NT5C2: variants seen among roughly 807,000 people sequenced by gnomAD.
NT5C2 encodes the protein cytosolic purine 5'-nucleotidase.
Under a neutral mutation model 76.1 loss-of-function variants are expected in NT5C2, and 58 were observed. The observed-to-expected ratio is 0.76, with a 90% CI of 0.62 to 0.95. The LOEUF is 0.95. Ranked by LOEUF, NT5C2 falls within the 40% of genes least tolerant of loss-of-function variation. The pLI is 0.00. For synonymous variants in NT5C2, 229 were observed against 237.4 expected (o/e 0.96, Z 0.32); for missense variants, 478 against 690.3 (o/e 0.69, Z 3.45).
chr10:103,127,915 A>C (rs1380006769), intron 4 of NT5C2, among the ~76,000 whole-genome samples: 1 of 151,908 alleles, frequency 6.6e-6, no homozygotes, highest in Non-Finnish European at 1.5e-5. Flanking sequence ...GCTGGTCTGG[A>C]ACTCCTGACC....
intron 2 of NT5C2, among the ~76,000 whole-genome samples, chr10:103,178,947 T>TTTTTTTA: frequency 7.2e-6 from 1 of 139,218 alleles, no homozygotes; most frequent in African/African-American, 2.7e-5. Context: ...TTCTTTTTTC[T>TTTTTTTA]TTTTTTCTTT....
At chr10:103,118,461 A>G (rs927666032) in intron 4 of NT5C2, among the ~76,000 whole-genome samples, 1 of 151,670 alleles carries the variant, frequency 6.6e-6, no homozygotes, top group Non-Finnish European at 1.5e-5. Context: ...GGATCAAGCA[A>G]TTCTCCCACC....
At chr10:103,185,745 A>G (rs1314415863) in intron 1 of NT5C2, among the ~76,000 whole-genome samples, 1 of 151,660 alleles carries the variant, frequency 6.6e-6, no homozygotes, top group East Asian at 1.9e-4. Context: ...CCTGCTCACC[A>G]TTCAACTTTG....
intron 3 of NT5C2, chr10:103,169,440 G>A (rs556465192): frequency 6.6e-6 from 1 of 152,162 alleles, no homozygotes; most frequent in East Asian, 1.9e-4. Flanking sequence ...AACACAGCAA[G>A]ACTTTGTCTC....
intron 1 of NT5C2, among the ~76,000 whole-genome samples, chr10:103,184,152 G>T (rs374196857): frequency 6.6e-6 from 1 of 151,448 alleles, no homozygotes; most frequent in African/African-American, 2.4e-5. Context: ...GGGTTTCACC[G>T]TGTTGGTTAG....
chr10:103,101,908 C>T (rs569727683), intron 6 of NT5C2, among the ~76,000 whole-genome samples: 7 of 151,874 alleles, frequency 4.6e-5, no homozygotes, highest in Non-Finnish European at 1.0e-4. Flanking sequence ...TGAAACTAGT[C>T]CAACTTGGGT....
At chr10:103,096,027 A>C in intron 11 of NT5C2, 47 bp from the exon 12 acceptor site, 1 of 1,391,920 alleles carries the variant, frequency 7.2e-7, no homozygotes, top group Non-Finnish European at 1.0e-6. Flanking sequence ...CTTTTGCAAA[A>C]GGTATATAAC....
intron 11 of NT5C2, 31 bp from the exon 12 acceptor site, chr10:103,096,011 A>G: frequency 1.3e-6 from 2 of 1,572,664 alleles, no homozygotes; most frequent in Non-Finnish European, 1.7e-6. Context: ...TAAGGTCCAT[A>G]TACTACTTTT....
At chr10:103,129,541 C>T (rs1277067979) in intron 4 of NT5C2, among the ~76,000 whole-genome samples, 7 of 111,748 alleles carry the variant, frequency 6.3e-5, no homozygotes, top group African/African-American at 9.7e-5. Flanking sequence ...GTCAGCCCCC[C>T]GCCCGGCCAG....
At chr10:103,129,547 G>A (rs1209571194) in intron 4 of NT5C2, among the ~76,000 whole-genome samples, 31 of 126,688 alleles carry the variant, frequency 2.4e-4, no homozygotes, top group Admixed American at 2.9e-4. Context: ...CCCCCGCCCG[G>A]CCAGCCGCCC....
At chr10:103,119,570 C>A (rs963004028) in intron 4 of NT5C2, among the ~76,000 whole-genome samples, 1 of 152,154 alleles carries the variant, frequency 6.6e-6, no homozygotes, top group African/African-American at 2.4e-5. Context: ...TTTCTTTGGT[C>A]TTTTTGATAA....
intron 4 of NT5C2, among the ~76,000 whole-genome samples, chr10:103,129,215 T>C (rs2077406084): frequency 1.3e-5 from 1 of 74,468 alleles, no homozygotes; most frequent in Non-Finnish European, 2.7e-5. Context: ...GAGGAGCCCC[T>C]CAGCCTGGCC....
At position 103,092,310 on chromosome 10, in the gene NT5C2, A is replaced by G. The variant is rs368503808; in HGVS notation, c.1160-695T>C. Among the ~76,000 whole-genome samples the G allele has an allele frequency of 3.3e-5, 5 of 152,340 alleles. No individual in the cohort carries two copies. In the South Asian group the frequency reaches 1.0e-3, roughly 32 times the overall value. On this transcript the variant is annotated intron_variant, in intron 15 of 18. Transcript: ENST00000404739. ...CCATTGGAAAGGTAAAATAATAGTA[A>G]TAATTTTCTGTGTTTCGGATATGGA...
At chr10:103,123,987 C>A (rs959401520) in intron 4 of NT5C2, among the ~76,000 whole-genome samples, 6 of 152,152 alleles carry the variant, frequency 3.9e-5, no homozygotes, top group African/African-American at 1.4e-4. Flanking sequence ...ACTCATCCCC[C>A]CACTTTCTAC....
In NT5C2 at chr10:103,089,105, T is replaced by C. The variant is rs1432660093; in HGVS notation, c.*567A>G. ...GCAACGCAAGTAGAGCATACTTCTG[T>C]GCAAAGCCAGTGATAGAGAAGCAGC... On this transcript the variant is annotated 3_prime_UTR_variant, in exon 19 of 19. Coordinates refer to ENST00000404739, the MANE Select transcript of NT5C2 (RefSeq NM_001351169.2). 1 of 226,972 alleles carries C rather than the reference T, an allele frequency of 4.4e-6. No individual in the cohort carries two copies. Among genetic ancestry groups the C allele is most frequent in the Admixed American group, 5.7e-5 (1 of 17,586 alleles). 14.1% of individuals were successfully genotyped at this position (226,972 alleles called of 1,614,324 possible). A position where few individuals can be genotyped will look rare whatever the true frequency, so the allele number is the denominator to read the frequency against.
intron 1 of NT5C2, among the ~76,000 whole-genome samples, chr10:103,183,087 T>C (rs1188274608): frequency 6.6e-6 from 1 of 151,970 alleles, no homozygotes; most frequent in Non-Finnish European, 1.5e-5. Flanking sequence ...TTTACTTTAA[T>C]TCATCTACCA....
At chr10:103,096,348 A>G (rs948118957) in intron 11 of NT5C2, among the ~76,000 whole-genome samples, 2 of 152,220 alleles carry the variant, frequency 1.3e-5, no homozygotes, top group African/African-American at 4.8e-5. Context: ...AACTAAGTCA[A>G]CAAACCAACG....
At chr10:103,126,476 A>G (rs2076677709) in intron 4 of NT5C2, among the ~76,000 whole-genome samples, 1 of 152,102 alleles carries the variant, frequency 6.6e-6, no homozygotes, top group Admixed American at 6.5e-5. Context: ...ACAAAAATTA[A>G]CAGGGCGCGG....
intron 1 of NT5C2, among the ~76,000 whole-genome samples, chr10:103,183,423 A>C (rs895989325): frequency 2.0e-5 from 3 of 147,732 alleles, no homozygotes; most frequent in Non-Finnish European, 4.5e-5. Flanking sequence ...AATTTTGAAA[A>C]ATTCCTGCCC....
Sources: allele counts gnomAD v4.1 joint callset (sites outside exome capture counted in the v4.1 genomes callset), GRCh38; gene constraint gnomAD v4.1.1; transcripts MANE v1.5; gene names NCBI Gene and HGNC (gene_info 2026-07-23, HGNC 2026-07-21).